TP53BP1: variants seen among roughly 807,000 people sequenced by gnomAD.
TP53BP1 encodes the protein TP53-binding protein 1.
A neutral mutation model predicts 200.8 loss-of-function variants in TP53BP1; 61 were observed. The observed-to-expected ratio is 0.30, with a 90% confidence interval of 0.25 to 0.38. The LOEUF (loss-of-function observed/expected upper bound fraction) is 0.38, where lower values mean the gene tolerates loss of function less well. Ranked by LOEUF, TP53BP1 falls within the 10% of genes least tolerant of loss-of-function variation. The pLI is 1.00. For missense variants in TP53BP1, 2,144 were observed against 2,371.9 expected (o/e 0.90, Z 2.00); for synonymous variants, 822 against 844.3 (o/e 0.97, Z 0.46).
In TP53BP1 at chr15:43,405,294, A is replaced by G; in HGVS notation, c.*2089T>C. ...AGATTCAAAACATCCCATTCTAGCC[A>G]CACACAAATAAATATCTGCGGCTTA... is the stretch of plus-strand genomic sequence containing the variant. On this transcript the variant is annotated 3_prime_UTR_variant, in exon 28 of 28. Coordinates refer to ENST00000382044, the MANE Select transcript of TP53BP1 (RefSeq NM_001141980.3). The G allele has an allele frequency of 1.3e-6, 2 of 1,505,182 alleles. No individual in the cohort carries two copies. Among genetic ancestry groups the G allele is most frequent in the Non-Finnish European group, 1.8e-6 (2 of 1,082,470 alleles). The allele number at this position is 1,505,182 out of a possible 1,614,324, so 93.2% of individuals were successfully genotyped here.
chr15:43,444,247 C>A (rs1390026209), intron 14 of TP53BP1, among the ~76,000 whole-genome samples: 1 of 152,138 alleles, frequency 6.6e-6, no homozygotes, highest in Non-Finnish European at 1.5e-5. Context: ...AAGGCTATCA[C>A]ATACTCTCTC....
In TP53BP1 at chr15:43,403,955, A is replaced by T. The variant is rs910362530; in HGVS notation, c.*3428T>A. 7 of 612,842 alleles carry T rather than the reference A, an allele frequency of 1.1e-5. No individual in the cohort carries two copies. In the African/African-American group the frequency reaches 1.8e-4, roughly 15 times the overall value. The allele number at this position is 612,842 out of a possible 1,614,324, so 38.0% of individuals were successfully genotyped here. A position where few individuals can be genotyped will look rare whatever the true frequency, so the allele number is the denominator to read the frequency against. ...AAGATAAAAATGTTGGTATCAGTTGATTTTGAAGCAGGTAATACTGTGCCA... is the reference window on the plus strand; with the variant it reads ...AAGATAAAAATGTTGGTATCAGTTGTTTTTGAAGCAGGTAATACTGTGCCA... On this transcript the variant is annotated 3_prime_UTR_variant, in exon 28 of 28. Coordinates refer to ENST00000382044, the MANE Select transcript of TP53BP1 (RefSeq NM_001141980.3).
chr15:43,497,402 C>T (rs1336433043), upstream of TP53BP1: 3 of 985,186 alleles, frequency 3.0e-6, no homozygotes, highest in African/African-American at 3.5e-5. Flanking sequence ...CAAATTACCT[C>T]ATTATCTTTG....
chr15:43,477,974 A>G (rs2078908856), intron 7 of TP53BP1, among the ~76,000 whole-genome samples: 1 of 152,198 alleles, frequency 6.6e-6, no homozygotes, highest in African/African-American at 2.4e-5. Context: ...TCTCACAGCC[A>G]ATACCTGTCT....
chr15:43,486,052 T>C (rs563431844), intron 4 of TP53BP1, among the ~76,000 whole-genome samples: 1 of 151,582 alleles, frequency 6.6e-6, no homozygotes, highest in South Asian at 2.1e-4. Context: ...ATAATTACCA[T>C]CAAAAATTGA....
chr15:43,477,504 AT>A, intron 8 of TP53BP1, 88 bp downstream of exon 8: 1 of 1,306,302 alleles, frequency 7.7e-7, no homozygotes, highest in Non-Finnish European at 1.0e-6. Flanking sequence ...AACCTATAAA[AT>A]GCTTTGTAAC....
chr15:43,495,816 C>CA (rs1180419642), upstream of TP53BP1, among the ~76,000 whole-genome samples: 204 of 55,478 alleles, frequency 3.7e-3, no homozygotes, highest in African/African-American at 7.3e-3. Context: ...GACCCCGTCT[C>CA]AAAAAAAAAA....
intron 24 of TP53BP1, chr15:43,412,522 A>C: frequency 2.7e-6 from 1 of 366,456 alleles, no homozygotes; most frequent in South Asian, 2.1e-5. Context: ...CTAACAGACA[A>C]CACAGAAATA....
intron 13 of TP53BP1, chr15:43,446,890 C>CAT (rs2046053640): frequency 1.0e-6 from 1 of 965,210 alleles, no homozygotes; most frequent in African/African-American, 1.6e-5. Context: ...CTCCAGACGG[C>CAT]ATGATTGTTA....
At chr15:43,434,897 T>G (rs2045755795) in intron 16 of TP53BP1, among the ~76,000 whole-genome samples, 1 of 152,146 alleles carries the variant, frequency 6.6e-6, no homozygotes, top group African/African-American at 2.4e-5. Context: ...CCTCTCTCCC[T>G]CTCCATTAGT....
chr15:43,440,662 T>C (rs565532908), intron 15 of TP53BP1, among the ~76,000 whole-genome samples: 4 of 151,978 alleles, frequency 2.6e-5, no homozygotes, highest in African/African-American at 9.6e-5. Context: ...TCAAGGCAGG[T>C]GGATCACTTG....
At chr15:43,409,207 C>T (rs1434144631) in intron 25 of TP53BP1, 111 bp from the exon 26 acceptor site, 1 of 959,566 alleles carries the variant, frequency 1.0e-6, no homozygotes, top group South Asian at 1.5e-5. Flanking sequence ...AACTACTACC[C>T]AAAATGTGAT....
chr15:43,409,356 A>G (rs2045035675), intron 25 of TP53BP1: 1 of 574,944 alleles, frequency 1.7e-6, no homozygotes, highest in Non-Finnish European at 3.1e-6. Flanking sequence ...TCAGCCTTTC[A>G]GGCTAAAAAT....
chr15:43,471,075 A>C (rs1046267387), intron 10 of TP53BP1, among the ~76,000 whole-genome samples: 2 of 152,256 alleles, frequency 1.3e-5, no homozygotes, highest in African/African-American at 4.8e-5. Context: ...TGTTATAGGC[A>C]CTACATACAA....
At chr15:43,482,153 C>T (rs997395931) in intron 4 of TP53BP1, among the ~76,000 whole-genome samples, 4 of 151,400 alleles carry the variant, frequency 2.6e-5, no homozygotes, top group South Asian at 2.1e-4. Context: ...GGCGTGAACC[C>T]GGGAGGCAGA....
chr15:43,482,470 T>C (rs945573674), intron 4 of TP53BP1, among the ~76,000 whole-genome samples: 21 of 151,162 alleles, frequency 1.4e-4, no homozygotes, highest in Non-Finnish European at 4.4e-5. Flanking sequence ...CCGTCTCTAC[T>C]AAAAATACAA....
Position 43,404,588 on chromosome 15 carries a change from T to G in TP53BP1, c.*2795A>C. On this transcript the variant is annotated 3_prime_UTR_variant, in exon 28 of 28. Transcript: ENST00000382044. ...CCCTTGGGTAACTCAGTAGACTTTT[T>G]AAGGTGGCTTTTTAATGAGTTGTAG... is the stretch of plus-strand genomic sequence containing the variant. 5.6e-6 allele frequency: 9 copies of G among 1,605,192 alleles called. No individual in the cohort carries two copies. Among genetic ancestry groups the G allele is most frequent in the Middle Eastern group, 1.7e-4 (1 of 5,990 alleles).
intron 4 of TP53BP1, among the ~76,000 whole-genome samples, chr15:43,483,233 A>AAT (rs369418682): frequency 7.0e-6 from 1 of 142,728 alleles, no homozygotes; most frequent in Non-Finnish European, 1.5e-5. Flanking sequence ...AAAAGTACAG[A>AAT]ACACACACAC....
At position 43,446,529 on chromosome 15, in the gene TP53BP1, C is replaced by T. The variant is rs1270890462; in HGVS notation, c.2898G>A (p.Val966=). The T allele has an allele frequency of 3.1e-6, 5 of 1,614,030 alleles. No homozygotes were observed. The highest frequency in any genetic ancestry group is 2.2e-5 in the South Asian group (2 of 91,088). The part of the protein sequence containing the change: ...ATSDVMSESM[V]ETHDPILGSG... ...TCCCAAGTATGGGATCATGGGTCTC[C>T]ACCATGCTTTCAGACATGACATCAC... is the stretch of plus-strand genomic sequence containing the variant. The change falls in exon 14 of 28, where the codon GTG becomes GTA. Residue 966 remains valine (V), a synonymous_variant. Transcript: ENST00000382044.
Sources: gnomAD v4.1 joint callset for allele counts (sites outside exome capture counted in the v4.1 genomes callset) on GRCh38, gnomAD v4.1.1 for gene constraint, MANE v1.5 for transcripts, NCBI Gene and HGNC (gene_info 2026-07-23, HGNC 2026-07-21) for gene names.